TMEM121B: variants seen among roughly 807,000 people sequenced by gnomAD.
TMEM121B encodes the protein transmembrane protein 121B, also known as cat eye syndrome chromosome region, candidate 6.
TMEM121B carries 14 observed loss-of-function variants against 25.1 expected under a neutral mutation model. That is an observed-to-expected ratio of 0.56 (90% confidence interval 0.37 to 0.87). The LOEUF (loss-of-function observed/expected upper bound fraction) is 0.87, where lower values mean the gene tolerates loss of function less well. Among genes scored for constraint, TMEM121B ranks in the 40% least tolerant of loss-of-function variants. TMEM121B has a pLI of 0.00. For synonymous variants in TMEM121B, 458 were observed against 420.9 expected (o/e 1.09, Z -1.08); for missense variants, 850 against 854.6 (o/e 0.99, Z 0.07).
rs1435301263 is a variant in TMEM121B at position 17,118,425 on chromosome 22, A to C, written c.*966T>G. The C allele has an allele frequency of 1.3e-5, 2 of 152,564 alleles. No homozygotes were observed. The highest frequency in any genetic ancestry group is 2.9e-5 in the Non-Finnish European group (2 of 68,070). 9.5% of individuals were successfully genotyped at this position (152,564 alleles called of 1,614,324 possible). ...AAACCACAGGAAGGATAAGAGTTCTAGGTGCAGAGGGAGGAACAGAGAGAG... is the reference window on the plus strand; with the variant it reads ...AAACCACAGGAAGGATAAGAGTTCTCGGTGCAGAGGGAGGAACAGAGAGAG... On this transcript the variant is annotated 3_prime_UTR_variant, in exon 1 of 1. Coordinates refer to ENST00000331437, the MANE Select transcript of TMEM121B (RefSeq NM_031890.4).
At position 17,120,804 on chromosome 22, in the gene TMEM121B, G is replaced by C. The variant is rs947413924; in HGVS notation, c.324C>G (p.Pro108=). The C allele has an allele frequency of 8.1e-7, 1 of 1,241,788 alleles. No homozygotes were observed. Among genetic ancestry groups the C allele is most frequent in the Non-Finnish European group, 1.0e-6 (1 of 993,974 alleles). 76.9% of individuals were successfully genotyped at this position (1,241,788 alleles called of 1,614,324 possible). A position where few individuals can be genotyped will look rare whatever the true frequency, so the allele number is the denominator to read the frequency against. Residue 108 remains proline (P), a synonymous_variant, in exon 1 of 1, where the codon CCC becomes CCG. Transcript: ENST00000331437. Reference sequence around the variant, plus strand: ...CTGAGGAGGAGAAGGCGACAGGCGCGGGGCCGGCGGGGGCGCCCACCTGAG... The same window carrying C: ...CTGAGGAGGAGAAGGCGACAGGCGCCGGGCCGGCGGGGGCGCCCACCTGAG... ...PPAQVGAPAG[P]APVAFSSSAA...
rs764962576 is a variant in TMEM121B, at chr22:17,118,450, G to A, written c.*941C>T. ...AGGTGCAGAGGGAGGAACAGAGAGA[G>A]GCCAAGCCAATGGCTGATACTCCGC... On this transcript the variant is annotated 3_prime_UTR_variant, in exon 1 of 1. Coordinates refer to ENST00000331437, the MANE Select transcript of TMEM121B (RefSeq NM_031890.4). 1.3e-5 allele frequency: 2 copies of A among 152,614 alleles called. No homozygotes were observed. Among genetic ancestry groups the A allele is most frequent in the Non-Finnish European group, 1.5e-5 (1 of 68,058 alleles). The allele number at this position is 152,614 out of a possible 1,614,324, so 9.5% of individuals were successfully genotyped here.
rs1208538670 is a variant in TMEM121B, at chr22:17,119,713, A to T, written c.1415T>A (p.Leu472Gln). Residue 472 changes from leucine to glutamine, a missense_variant, in exon 1 of 1, where the codon CTG (leucine) becomes CAG (glutamine). Leu to Gln is a moderately radical substitution (Grantham distance 113). Transcript: ENST00000331437. ...GGGCACGTCCACCAGGCAGCCGCCC[A>T]GCAGGCGCAGAAGGCGGCTGCAGCT... is the stretch of plus-strand genomic sequence containing the variant. Reference protein sequence around the residue: ...PGSCSRLLRLLGGCLVDVPLL... With the variant: ...PGSCSRLLRLQGGCLVDVPLL... The T allele has an allele frequency of 6.5e-7, 1 of 1,542,736 alleles. No homozygotes were observed. Among genetic ancestry groups the T allele is most frequent in the Non-Finnish European group, 8.7e-7 (1 of 1,150,872 alleles).
At position 17,120,853 on chromosome 22, in the gene TMEM121B, T is replaced by C. The variant is rs2061496148; in HGVS notation, c.275A>G (p.Asn92Ser). 5 of 1,317,352 alleles carry C rather than the reference T, an allele frequency of 3.8e-6. No homozygotes were observed. The East Asian group carries it at 9.6e-5, about 25-fold the overall frequency. The allele number at this position is 1,317,352 out of a possible 1,614,324, so 81.6% of individuals were successfully genotyped here. The change falls in exon 1 of 1, where the codon AAC (asparagine) becomes AGC (serine). Residue 92 changes from asparagine (N) to serine (S), a missense_variant. Physicochemically the swap from Asn to Ser is conservative, Grantham distance 46 (BLOSUM62 1). Transcript: ENST00000331437. The stretch of plus-strand genomic sequence containing the variant: ...AGCCGGCGGCCCCAGGAGCGCGGCG[T>C]TGGGCACCAGCGGCTTGCTGACGCT... Reference protein sequence around the residue: ...SLSVSKPLVPNAALLGPPAQV... With the variant: ...SLSVSKPLVPSAALLGPPAQV...
chr22:17,121,097 C>T lies in TMEM121B; in HGVS notation c.31G>A (p.Val11Ile), dbSNP rs527969996. The change falls in exon 1 of 1, where the codon GTC becomes ATC. Residue 11 changes from valine to isoleucine, a missense_variant. Val to Ile is a conservative substitution (Grantham distance 29). Coordinates refer to ENST00000331437, the MANE Select transcript of TMEM121B (RefSeq NM_031890.4). ...GGGAAGGAACCGGACGCGGAGGAGA[C>T]CGAGCGAGGGTGGCCGAGCGCCGGG... MRPALGHPRS[V>I]SSASGSFPPP... The T allele has an allele frequency of 9.8e-6, 14 of 1,429,708 alleles. No individual in the cohort carries two copies. In the African/African-American group the frequency reaches 1.6e-4, roughly 17 times the overall value. The allele number at this position is 1,429,708 out of a possible 1,614,324, so 88.6% of individuals were successfully genotyped here.
rs575334465 is a variant in TMEM121B, at chr22:17,117,362, T to A, written c.*2029A>T. 1.3e-5 allele frequency: 2 copies of A among 152,900 alleles called. No homozygotes were observed. Among genetic ancestry groups the A allele is most frequent in the Admixed American group, 1.3e-4 (2 of 15,308 alleles). 9.5% of individuals were successfully genotyped at this position (152,900 alleles called of 1,614,324 possible). A position where few individuals can be genotyped will look rare whatever the true frequency, so the allele number is the denominator to read the frequency against. On this transcript the variant is annotated 3_prime_UTR_variant, in exon 1 of 1. Coordinates refer to ENST00000331437, the MANE Select transcript of TMEM121B (RefSeq NM_031890.4). ...ATGGAGTGTAAACATTTTCCCCCGC[T>A]GTTCCCTGCTCTGAGAGCATGAGGA...
In TMEM121B at chr22:17,119,327, G is replaced by A. The variant is rs2123825249; in HGVS notation, c.*64C>T. On this transcript the variant is annotated 3_prime_UTR_variant, in exon 1 of 1. Coordinates refer to ENST00000331437, the MANE Select transcript of TMEM121B (RefSeq NM_031890.4). The stretch of plus-strand genomic sequence containing the variant: ...AGACCCTGATCAAATCTAGGTGACA[G>A]AAGGTAGAAGACAAGGGGGTTGGGG... The A allele has an allele frequency of 6.6e-7, 1 of 1,522,292 alleles. No individual in the cohort carries two copies. Among genetic ancestry groups the A allele is most frequent in the South Asian group, 1.3e-5 (1 of 78,596 alleles). 94.3% of individuals were successfully genotyped at this position (1,522,292 alleles called of 1,614,324 possible).
Position 17,120,670 on chromosome 22 carries a change from G to T in TMEM121B, c.458C>A (p.Ser153Ter). The change falls in exon 1 of 1, where the codon TCG becomes TAG. Residue 153 changes from serine to a stop codon, truncating the protein, a stop_gained. Transcript: ENST00000331437. LOFTEE classifies it high-confidence loss of function. Reference sequence around the variant, plus strand: ...CCCGGTGCCGCCCGCGCCCCCCGCCGAGCGGCTCCCGGGGCCCCCGACGGC... The same window carrying T: ...CCCGGTGCCGCCCGCGCCCCCCGCCTAGCGGCTCCCGGGGCCCCCGACGGC... The part of the protein sequence containing the change: ...AGAVGGPGSR[S>*]AGGAGGTGTG... The T allele has an allele frequency of 8.4e-7, 1 of 1,184,948 alleles. No homozygotes were observed. The highest frequency in any genetic ancestry group is 1.0e-6 in the Non-Finnish European group (1 of 959,262). 73.4% of individuals were successfully genotyped at this position (1,184,948 alleles called of 1,614,324 possible).
Position 17,121,071 on chromosome 22 carries a change from C to A in TMEM121B, c.57G>T (p.Pro19=). The change falls in exon 1 of 1, where the codon CCG becomes CCT. Residue 19 remains proline, a synonymous_variant. Transcript: ENST00000331437. ...GCAGCCGGGCGGCTGCCGGGGGCGG[C>A]GGGAAGGAACCGGACGCGGAGGAGA... is the stretch of plus-strand genomic sequence containing the variant. The part of the protein sequence containing the change: ...RSVSSASGSF[P]PPPAAARLQP... 6.9e-7 allele frequency: 1 copy of A among 1,450,030 alleles called. No individual in the cohort carries two copies. Among genetic ancestry groups the A allele is most frequent in the Non-Finnish European group, 9.1e-7 (1 of 1,102,516 alleles). The allele number at this position is 1,450,030 out of a possible 1,614,324, so 89.8% of individuals were successfully genotyped here. A position where few individuals can be genotyped will look rare whatever the true frequency, so the allele number is the denominator to read the frequency against.
Position 17,120,363 on chromosome 22 carries a change from G to A in TMEM121B, c.765C>T (p.Gly255=), listed in dbSNP as rs1282570543. 2.6e-6 allele frequency: 4 copies of A among 1,540,434 alleles called. No homozygotes were observed. The African/African-American group carries it at 4.2e-5, about 16-fold the overall frequency. The part of the protein sequence containing the change: ...FAKNSRGRRG[G]AASGAHNHHL... ...GGTGGTTGTGCGCGCCGCTGGCTGCGCCGCCCCGACGGCCCCGGCTGTTCT... is the reference window on the plus strand; with the variant it reads ...GGTGGTTGTGCGCGCCGCTGGCTGCACCGCCCCGACGGCCCCGGCTGTTCT... Residue 255 remains glycine, a synonymous_variant, in exon 1 of 1, where the codon GGC becomes GGT. Coordinates refer to ENST00000331437, the MANE Select transcript of TMEM121B (RefSeq NM_031890.4).
At position 17,120,812 on chromosome 22, in the gene TMEM121B, C is replaced by CG; in HGVS notation, c.315dup (p.Ala106ArgfsTer129). The CG allele has an allele frequency of 8.1e-7, 1 of 1,241,210 alleles. No individual in the cohort carries two copies. Among genetic ancestry groups the CG allele is most frequent in the South Asian group, 3.2e-5 (1 of 31,020 alleles). 76.9% of individuals were successfully genotyped at this position (1,241,210 alleles called of 1,614,324 possible). ...GAGAAGGCGACAGGCGCGGGGCCGG[C>CG]GGGGGCGCCCACCTGAGCCGGCGGC... On this transcript the variant is annotated frameshift_variant, in exon 1 of 1. Transcript: ENST00000331437. LOFTEE classifies it high-confidence loss of function.
At position 17,119,406 on chromosome 22, in the gene TMEM121B, C is replaced by T. The variant is rs1018909151; in HGVS notation, c.1722G>A (p.Val574=). ...CCCTTCACCCTCAATTCTGAGAGGC[C>T]ACAGCCAGGGTGTTGACATAGCCAT... ...GAHGYVNTLA[V]ASQN Residue 574 remains valine (V), a synonymous_variant, in exon 1 of 1, where the codon GTG becomes GTA. Transcript: ENST00000331437. The T allele has an allele frequency of 1.2e-6, 2 of 1,601,824 alleles. No homozygotes were observed. Among genetic ancestry groups the T allele is most frequent in the South Asian group, 2.3e-5 (2 of 88,768 alleles).
rs897431469 is a variant in TMEM121B at position 17,120,661 on chromosome 22, C to T, written c.467G>A (p.Gly156Asp). 5 of 1,183,378 alleles carry T rather than the reference C, an allele frequency of 4.2e-6. No individual in the cohort carries two copies. Among genetic ancestry groups the T allele is most frequent in the African/African-American group, 1.6e-5 (1 of 62,018 alleles). The allele number at this position is 1,183,378 out of a possible 1,614,324, so 73.3% of individuals were successfully genotyped here. A position where few individuals can be genotyped will look rare whatever the true frequency, so the allele number is the denominator to read the frequency against. Residue 156 changes from glycine to aspartate, a missense_variant, in exon 1 of 1, where the codon GGC becomes GAC. By Grantham distance (94) the Gly-to-Asp change is moderately conservative. Transcript: ENST00000331437. ...GCTGCCGGTCCCGGTGCCGCCCGCG[C>T]CCCCCGCCGAGCGGCTCCCGGGGCC... The part of the protein sequence containing the change: ...VGGPGSRSAG[G>D]AGGTGTGSGA...
Position 17,121,070 on chromosome 22 carries a change from G to T in TMEM121B, c.58C>A (p.Pro20Thr). The change falls in exon 1 of 1, where the codon CCG becomes ACG. Residue 20 changes from proline to threonine, a missense_variant. Pro to Thr is a conservative substitution (Grantham distance 38, BLOSUM62 -1). Transcript: ENST00000331437. The part of the protein sequence containing the change: ...SVSSASGSFP[P>T]PPAAARLQPL... Reference sequence around the variant, plus strand: ...TGCAGCCGGGCGGCTGCCGGGGGCGGCGGGAAGGAACCGGACGCGGAGGAG... The same window carrying T: ...TGCAGCCGGGCGGCTGCCGGGGGCGTCGGGAAGGAACCGGACGCGGAGGAG... The T allele has an allele frequency of 1.4e-6, 2 of 1,453,382 alleles. No homozygotes were observed. The highest frequency in any genetic ancestry group is 1.8e-6 in the Non-Finnish European group (2 of 1,104,272). 90.0% of individuals were successfully genotyped at this position (1,453,382 alleles called of 1,614,324 possible).
chr22:17,120,837 C>G lies in TMEM121B; in HGVS notation c.291G>C (p.Gly97=). 7.8e-7 allele frequency: 1 copy of G among 1,287,796 alleles called. No individual in the cohort carries two copies. Among genetic ancestry groups the G allele is most frequent in the Non-Finnish European group, 9.8e-7 (1 of 1,020,868 alleles). The allele number at this position is 1,287,796 out of a possible 1,614,324, so 79.8% of individuals were successfully genotyped here. The change falls in exon 1 of 1, where the codon GGG becomes GGC. Residue 97 remains glycine (G), a synonymous_variant. Coordinates refer to ENST00000331437, the MANE Select transcript of TMEM121B (RefSeq NM_031890.4). ...CGGGGGCGCCCACCTGAGCCGGCGGCCCCAGGAGCGCGGCGTTGGGCACCA... is the reference window on the plus strand; with the variant it reads ...CGGGGGCGCCCACCTGAGCCGGCGGGCCCAGGAGCGCGGCGTTGGGCACCA... The part of the protein sequence containing the change: ...KPLVPNAALL[G]PPAQVGAPAG...
Position 17,119,736 on chromosome 22 carries a change from G to A in TMEM121B, c.1392C>T (p.Ser464=), listed in dbSNP as rs771209447. 32 of 1,546,494 alleles carry A rather than the reference G, an allele frequency of 2.1e-5. No homozygotes were observed. Among genetic ancestry groups the A allele is most frequent in the Non-Finnish European group, 2.2e-5 (25 of 1,153,328 alleles). ...CCAGCAGGCGCAGAAGGCGGCTGCAGCTGCCAGGCCCGGAGGCCTGGCCCC... is the reference window on the plus strand; with the variant it reads ...CCAGCAGGCGCAGAAGGCGGCTGCAACTGCCAGGCCCGGAGGCCTGGCCCC... The part of the protein sequence containing the change: ...ASWGQASGPG[S]CSRLLRLLGG... Residue 464 remains serine (S), a synonymous_variant, in exon 1 of 1, where the codon AGC becomes AGT. Coordinates refer to ENST00000331437, the MANE Select transcript of TMEM121B (RefSeq NM_031890.4).
chr22:17,121,187 C>T lies in TMEM121B; in HGVS notation c.-60G>A. 1 of 1,254,084 alleles carries T rather than the reference C, an allele frequency of 8.0e-7. No individual in the cohort carries two copies. The highest frequency in any genetic ancestry group is 1.0e-6 in the Non-Finnish European group (1 of 998,896). 77.7% of individuals were successfully genotyped at this position (1,254,084 alleles called of 1,614,324 possible). A position where few individuals can be genotyped will look rare whatever the true frequency, so the allele number is the denominator to read the frequency against. ...TCCCTCCCCGCCAACCCCGGGCGGG[C>T]GAGGCGGGCTAGGCGGCCGAGGGGA... On this transcript the variant is annotated 5_prime_UTR_variant, in exon 1 of 1. Coordinates refer to ENST00000331437, the MANE Select transcript of TMEM121B (RefSeq NM_031890.4).
In TMEM121B at chr22:17,117,284, T is replaced by C. The variant is rs1278279541; in HGVS notation, c.*2107A>G. The stretch of plus-strand genomic sequence containing the variant: ...AAAAAAATACCAATTAAGTGTGAAA[T>C]CCAGCCAGCTATTGGGCCACATAGG... On this transcript the variant is annotated 3_prime_UTR_variant, in exon 1 of 1. Coordinates refer to ENST00000331437, the MANE Select transcript of TMEM121B (RefSeq NM_031890.4). 6.5e-6 allele frequency: 1 copy of C among 152,896 alleles called. No individual in the cohort carries two copies. The highest frequency in any genetic ancestry group is 1.5e-5 in the Non-Finnish European group (1 of 68,300). 9.5% of individuals were successfully genotyped at this position (152,896 alleles called of 1,614,324 possible). A position where few individuals can be genotyped will look rare whatever the true frequency, so the allele number is the denominator to read the frequency against.
chr22:17,120,087 G>A lies in TMEM121B; in HGVS notation c.1041C>T (p.Phe347=), dbSNP rs5994165. The change falls in exon 1 of 1, where the codon TTC becomes TTT. Residue 347 remains phenylalanine (F), a synonymous_variant. Transcript: ENST00000331437. The part of the protein sequence containing the change: ...ILDLIELRAP[F]GTTGFRLTMA... ...TGGTGAGACGGAAGCCCGTGGTGCC[G>A]AAGGGCGCGCGTAGCTCGATGAGGT... is the stretch of plus-strand genomic sequence containing the variant. 627,349 of 1,611,218 alleles carry A rather than the reference G, an allele frequency of 0.39. 124,204 individuals are homozygous for A. The highest frequency in any genetic ancestry group is 0.49 in the South Asian group (44,666 of 91,068).
Sources: gnomAD v4.1 joint callset for allele counts on GRCh38, gnomAD v4.1.1 for gene constraint, MANE v1.5 for transcripts, NCBI Gene and HGNC (gene_info 2026-07-23, HGNC 2026-07-21) for gene names.